TET1: variants seen among roughly 807,000 people sequenced by gnomAD.
TET1 encodes tet methylcytosine dioxygenase 1.
A neutral mutation model predicts 148.7 loss-of-function variants in TET1; 13 were observed. That is an observed-to-expected ratio of 0.09 (90% CI 0.06 to 0.14). The LOEUF (loss-of-function observed/expected upper bound fraction) is 0.14. TET1 is among the 10% of genes least tolerant of loss of function. TET1 has a pLI of 1.00. For missense variants in TET1, 2,182 were observed against 2,553.8 expected (o/e 0.85, Z 3.14); for synonymous variants, 907 against 937.2 (o/e 0.97, Z 0.59).
chr10:68,684,794 T>G (rs2055488110), intron 10 of TET1, among the ~76,000 whole-genome samples: 1 of 152,212 alleles, frequency 6.6e-6, no homozygotes, highest in Non-Finnish European at 1.5e-5. Flanking sequence ...TCTCTACTCC[T>G]TATTGGTTTA....
chr10:68,692,438 C>T lies in TET1; in HGVS notation c.*624C>T, dbSNP rs973313603. ...ATTGTAAATATATATTTTAAAAGCACTTTCTATTTTTAAAAGTAACTTGAA... is the reference window on the plus strand; with the variant it reads ...ATTGTAAATATATATTTTAAAAGCATTTTCTATTTTTAAAAGTAACTTGAA... On this transcript the variant is annotated 3_prime_UTR_variant, in exon 12 of 12. Transcript: ENST00000373644. 1 of 231,896 alleles carries T rather than the reference C, an allele frequency of 4.3e-6. No individual in the cohort carries two copies. Among genetic ancestry groups the T allele is most frequent in the Non-Finnish European group, 8.5e-6 (1 of 117,086 alleles). 14.4% of individuals were successfully genotyped at this position (231,896 alleles called of 1,614,324 possible). A position where few individuals can be genotyped will look rare whatever the true frequency, so the allele number is the denominator to read the frequency against.
At chr10:68,622,194 C>CT (rs1564973245) in intron 3 of TET1, among the ~76,000 whole-genome samples, 1 of 119,732 alleles carries the variant, frequency 8.4e-6, no homozygotes, top group Non-Finnish European at 1.8e-5. Flanking sequence ...TCCTTCCTTC[C>CT]TTCCTTCCTT....
chr10:68,585,712 TAAAA>T (rs1217361962), intron 2 of TET1, among the ~76,000 whole-genome samples: 4 of 152,042 alleles, frequency 2.6e-5, no homozygotes, highest in African/African-American at 9.6e-5. Flanking sequence ...TCAGACCACT[TAAAA>T]AAAATTTTTT....
intron 3 of TET1, among the ~76,000 whole-genome samples, chr10:68,604,840 A>C (rs1411570678): frequency 6.6e-6 from 1 of 152,258 alleles, no homozygotes; most frequent in East Asian, 1.9e-4. Context: ...TGAAGAGTAC[A>C]TAAGAACTCT....
intron 1 of TET1, among the ~76,000 whole-genome samples, chr10:68,565,475 A>AATATATATAT (rs71019031): frequency 1.5e-5 from 2 of 129,228 alleles, no homozygotes; most frequent in South Asian, 2.6e-4. Flanking sequence ...AAAAAAAAAA[A>AATATATATAT]ATATATATAT....
intron 3 of TET1, among the ~76,000 whole-genome samples, chr10:68,601,393 A>G (rs1415500022): frequency 6.6e-6 from 1 of 152,196 alleles, no homozygotes; most frequent in Admixed American, 6.6e-5. Flanking sequence ...TTTGAAGTTG[A>G]CAGCTATGAT....
chr10:68,646,812 A>G lies in TET1; in HGVS notation c.4083A>G (p.Ser1361=), dbSNP rs760731377. The part of the protein sequence containing the change: ...LTLRNVNVVC[S]GGITVVSTKS... Reference sequence around the variant, plus strand: ...TCAGGAATGTAAATGTAGTGTGTTCAGGTGGAATTACAGTGGTTTCTACCA... The same window carrying G: ...TCAGGAATGTAAATGTAGTGTGTTCGGGTGGAATTACAGTGGTTTCTACCA... Residue 1361 remains serine (S), a synonymous_variant, in exon 4 of 12, where the codon TCA becomes TCG. Transcript: ENST00000373644. The G allele has an allele frequency of 4.0e-5, 65 of 1,614,218 alleles. No individual in the cohort carries two copies. The highest frequency in any genetic ancestry group is 5.3e-5 in the Non-Finnish European group (63 of 1,180,038).
chr10:68,688,210 G>A (rs2133240295), intron 11 of TET1, among the ~76,000 whole-genome samples: 1 of 151,996 alleles, frequency 6.6e-6, no homozygotes, highest in Non-Finnish European at 1.5e-5. Flanking sequence ...CGATTCTCCT[G>A]CCTCAGCCTC....
chr10:68,594,439 A>G (rs1233549283), intron 2 of TET1, among the ~76,000 whole-genome samples: 2 of 152,204 alleles, frequency 1.3e-5, no homozygotes, highest in East Asian at 3.9e-4. Context: ...CCATCAAGGA[A>G]CAGCTATTAC....
At chr10:68,634,285 A>C (rs2054619017) in intron 3 of TET1, among the ~76,000 whole-genome samples, 1 of 152,228 alleles carries the variant, frequency 6.6e-6, no homozygotes, top group Non-Finnish European at 1.5e-5. Flanking sequence ...TTTGGACATA[A>C]GATGGTAATA....
rs545886010 is a variant in TET1 at position 68,575,149 on chromosome 10, C to T, written c.1914+897C>T. Among the ~76,000 whole-genome samples the T allele has an allele frequency of 3.3e-5, 5 of 152,204 alleles. No homozygotes were observed. In the South Asian group the frequency reaches 1.0e-3, roughly 32 times the overall value. On this transcript the variant is annotated intron_variant, in intron 2 of 11. Coordinates refer to ENST00000373644, the MANE Select transcript of TET1 (RefSeq NM_030625.3). ...CTGTAATCCCAACACTTTGAAAGGC[C>T]GAGGCGGGCAGATCACCTGAGGTCA...
chr10:68,563,933 C>T (rs1403959096), intron 1 of TET1, among the ~76,000 whole-genome samples: 1 of 152,116 alleles, frequency 6.6e-6, no homozygotes. Context: ...CTGCCTGCCT[C>T]GGCCTCCCAG....
rs138972936 is a variant in TET1, at chr10:68,626,241, A to G, written c.1969-18457A>G. Among the ~76,000 whole-genome samples the G allele has an allele frequency of 6.1e-3, 925 of 150,970 alleles. 61 individuals are homozygous for G. The highest frequency in any genetic ancestry group is 0.052 in the Admixed American group (790 of 15,174). ...ACTTTGTCTCTCTCTTTTTCTCTTTACTCGTTTTTTTATTTTTTGTTTTGT... is the reference window on the plus strand; with the variant it reads ...ACTTTGTCTCTCTCTTTTTCTCTTTGCTCGTTTTTTTATTTTTTGTTTTGT... On this transcript the variant is annotated intron_variant, in intron 3 of 11. Transcript: ENST00000373644.
At chr10:68,600,492 G>T (rs2054040872) in intron 2 of TET1, among the ~76,000 whole-genome samples, 1 of 152,182 alleles carries the variant, frequency 6.6e-6, no homozygotes. Context: ...TCTAGGAAGG[G>T]CTAGGCTGAG....
intron 8 of TET1, chr10:68,674,688 T>A (rs187784070): frequency 2.1e-6 from 1 of 467,226 alleles, no homozygotes; most frequent in African/African-American, 2.0e-5. Flanking sequence ...GAAGGTCATG[T>A]CAATATCAAG....
chr10:68,684,047 C>T (rs1418136565), intron 10 of TET1, among the ~76,000 whole-genome samples: 3 of 152,070 alleles, frequency 2.0e-5, no homozygotes, highest in Admixed American at 2.0e-4. Context: ...TGTTTTTCTG[C>T]TGCACCAGTT....
At chr10:68,684,467 T>A (rs778363527) in intron 10 of TET1, among the ~76,000 whole-genome samples, 31 of 151,974 alleles carry the variant, frequency 2.0e-4, no homozygotes, top group Non-Finnish European at 4.3e-4. Flanking sequence ...TGAAGTTATA[T>A]AAATCCAGCC....
chr10:68,656,509 A>G (rs2055024076), intron 6 of TET1, among the ~76,000 whole-genome samples: 2 of 152,142 alleles, frequency 1.3e-5, no homozygotes, highest in South Asian at 2.1e-4. Context: ...TGATCTGCCC[A>G]CCTCAGCCTC....
At chr10:68,672,487 C>CAAAAAAAAAAAA (rs71483920) in intron 7 of TET1, among the ~76,000 whole-genome samples, 13 of 49,714 alleles carry the variant, frequency 2.6e-4, no homozygotes, top group Admixed American at 1.2e-3. Flanking sequence ...GACCCCATCT[C>CAAAAAAAAAAAA]AAAAAAAAAA....
Sources: gnomAD v4.1 joint callset for allele counts (sites outside exome capture counted in the v4.1 genomes callset) on GRCh38, gnomAD v4.1.1 for gene constraint, MANE v1.5 for transcripts, NCBI Gene and HGNC (gene_info 2026-07-23, HGNC 2026-07-21) for gene names.